LDB2: variants seen among roughly 807,000 people sequenced by gnomAD.
LDB2 encodes LIM domain binding 2, also known as LIM domain-binding protein 2.
In LDB2, 12 loss-of-function variants were observed where a neutral mutation model predicts 44.3. That is an observed-to-expected ratio of 0.27 (90% CI 0.17 to 0.44). The LOEUF (loss-of-function observed/expected upper bound fraction) is 0.44. Ranked by LOEUF, LDB2 falls within the 20% of genes least tolerant of loss-of-function variation. LDB2 has a pLI of 1.00. For synonymous variants in LDB2, 164 were observed against 174.8 expected (o/e 0.94, Z 0.49); for missense variants, 344 against 473.5 (o/e 0.73, Z 2.54).
At chr4:16,693,422 C>T (rs544844421) in intron 2 of LDB2, among the ~76,000 whole-genome samples, 7 of 146,344 alleles carry the variant, frequency 4.8e-5, no homozygotes, top group South Asian at 2.1e-4. Context: ...CTGACGCCAT[C>T]GCGGCTCACC....
intron 2 of LDB2, among the ~76,000 whole-genome samples, chr4:16,663,629 C>T (rs1342377544): frequency 2.6e-5 from 4 of 152,174 alleles, no homozygotes; most frequent in Non-Finnish European, 4.4e-5. Context: ...AGCCTGTTTA[C>T]GTTTGTGTCC....
chr4:16,509,892 G>T (rs559548670), intron 6 of LDB2, among the ~76,000 whole-genome samples: 1 of 152,236 alleles, frequency 6.6e-6, no homozygotes, highest in South Asian at 2.1e-4. Flanking sequence ...GAGGCAAGTG[G>T]ATTGTTTGAG....
chr4:16,593,017 A>G (rs1256030484), intron 3 of LDB2, among the ~76,000 whole-genome samples: 2 of 152,168 alleles, frequency 1.3e-5, no homozygotes, highest in Non-Finnish European at 2.9e-5. Context: ...TTAAAATTCT[A>G]ATTACACATT....
intron 2 of LDB2, among the ~76,000 whole-genome samples, chr4:16,626,392 A>G (rs138738286): frequency 6.6e-6 from 1 of 152,364 alleles, no homozygotes; most frequent in South Asian, 2.1e-4. Context: ...AGAATGTCAC[A>G]TGTCAAAAAA....
chr4:16,864,723 G>C (rs899879468), intron 1 of LDB2, among the ~76,000 whole-genome samples: 1 of 151,444 alleles, frequency 6.6e-6, no homozygotes, highest in Non-Finnish European at 1.5e-5. Flanking sequence ...TCAGGAGTTC[G>C]AGACCAGCCT....
chr4:16,671,709 T>C lies in LDB2; in HGVS notation c.236-75834A>G, dbSNP rs75611054. Among the ~76,000 whole-genome samples the C allele has an allele frequency of 2.6e-4, 39 of 152,058 alleles. No homozygotes were observed. The East Asian group carries it at 7.4e-3, about 29-fold the overall frequency. Reference sequence around the variant, plus strand: ...ATGGAGTCCCTTACTCTGGGCTGGGTCCATGCCATTGCAAAGTCTGCAATA... The same window carrying C: ...ATGGAGTCCCTTACTCTGGGCTGGGCCCATGCCATTGCAAAGTCTGCAATA... On this transcript the variant is annotated intron_variant, in intron 2 of 7. Coordinates refer to ENST00000304523, the MANE Select transcript of LDB2 (RefSeq NM_001290.5).
At chr4:16,560,532 C>T (rs934402919) in intron 5 of LDB2, among the ~76,000 whole-genome samples, 2 of 152,208 alleles carry the variant, frequency 1.3e-5, no homozygotes, top group African/African-American at 2.4e-5. Context: ...AGTTGAATCT[C>T]TGAATAGACC....
At chr4:16,503,215 T>C in intron 7 of LDB2, 1 of 1,378,446 alleles carries the variant, frequency 7.3e-7, no homozygotes, top group Non-Finnish European at 9.9e-7. Context: ...TTGAGAGGGC[T>C]GTGGAACCTT....
chr4:16,554,392 C>T (rs182942786), intron 5 of LDB2, among the ~76,000 whole-genome samples: 2 of 152,264 alleles, frequency 1.3e-5, no homozygotes, highest in Admixed American at 1.3e-4. Context: ...TTCCCATTGC[C>T]ACTGGGTGCC....
intron 1 of LDB2, among the ~76,000 whole-genome samples, chr4:16,809,587 G>A (rs1306860853): frequency 1.3e-5 from 2 of 152,156 alleles, no homozygotes; most frequent in Non-Finnish European, 2.9e-5. Flanking sequence ...TAGGATTTAC[G>A]AAGATTCTTT....
chr4:16,518,751 T>C (rs954137881), intron 5 of LDB2, among the ~76,000 whole-genome samples: 1 of 152,244 alleles, frequency 6.6e-6, no homozygotes, highest in Non-Finnish European at 1.5e-5. Flanking sequence ...GTCTCCATAA[T>C]AGGATAAAGA....
At chr4:16,758,530 G>A (rs1767155600) in intron 2 of LDB2, among the ~76,000 whole-genome samples, 1 of 152,138 alleles carries the variant, frequency 6.6e-6, no homozygotes, top group African/African-American at 2.4e-5. Flanking sequence ...CTGACAAGTT[G>A]GCTGAACCTA....
chr4:16,854,435 A>C (rs1788915480), intron 1 of LDB2, among the ~76,000 whole-genome samples: 2 of 151,204 alleles, frequency 1.3e-5, no homozygotes, highest in Admixed American at 1.3e-4. Flanking sequence ...CTCAATCCAA[A>C]ATAACAGTGG....
intron 1 of LDB2, among the ~76,000 whole-genome samples, chr4:16,814,216 T>C (rs1271058721): frequency 1.3e-5 from 2 of 152,118 alleles, no homozygotes; most frequent in African/African-American, 2.4e-5. Flanking sequence ...TTCTGGAAAA[T>C]TACCTTTGCT....
intron 1 of LDB2, among the ~76,000 whole-genome samples, chr4:16,782,514 C>G (rs1054891166): frequency 5.9e-5 from 9 of 152,044 alleles, no homozygotes; most frequent in African/African-American, 1.7e-4. Flanking sequence ...CCACACCCAG[C>G]TAAGTTTTTG....
Position 16,514,601 on chromosome 4 carries a change from C to T in LDB2, c.616-2497G>A, listed in dbSNP as rs578003662. Reference sequence around the variant, plus strand: ...TACTGACCTAAGCTTGCTTAAACCACTCACCCCATTTAAGGGCCAGCTGCA... The same window carrying T: ...TACTGACCTAAGCTTGCTTAAACCATTCACCCCATTTAAGGGCCAGCTGCA... On this transcript the variant is annotated intron_variant, in intron 5 of 7. Coordinates refer to ENST00000304523, the MANE Select transcript of LDB2 (RefSeq NM_001290.5). Among the ~76,000 whole-genome samples the T allele has an allele frequency of 1.4e-3, 215 of 152,316 alleles. 9 individuals are homozygous for T. In the South Asian group the frequency reaches 0.044, roughly 31 times the overall value.
rs189904523 is a variant in LDB2, at chr4:16,707,956, G to A, written c.235+51202C>T. Among the ~76,000 whole-genome samples, 553 of 152,320 alleles carry A rather than the reference G, an allele frequency of 3.6e-3. 4 individuals are homozygous for A. The highest frequency in any genetic ancestry group is 6.8e-3 in the Middle Eastern group (2 of 294). On this transcript the variant is annotated intron_variant, in intron 2 of 7. Coordinates refer to ENST00000304523, the MANE Select transcript of LDB2 (RefSeq NM_001290.5). ...AACTTAGATAATACAGAATGGGAAA[G>A]ACTTGCGTGTGTGCCTCAAATGAGC...
At chr4:16,856,128 TA>T (rs1438915421) in intron 1 of LDB2, among the ~76,000 whole-genome samples, 2 of 152,146 alleles carry the variant, frequency 1.3e-5, no homozygotes, top group Non-Finnish European at 2.9e-5. Context: ...ATGCAGAAAC[TA>T]ATATGAAAAT....
intron 7 of LDB2, chr4:16,505,826 C>G: frequency 2.0e-6 from 3 of 1,535,916 alleles, no homozygotes; most frequent in Non-Finnish European, 2.6e-6. Flanking sequence ...ATCCCCCGTG[C>G]AAAGACCACC....
Sources: allele counts gnomAD v4.1 joint callset (sites outside exome capture counted in the v4.1 genomes callset), GRCh38; gene constraint gnomAD v4.1.1; transcripts MANE v1.5; gene names NCBI Gene and HGNC (gene_info 2026-07-23, HGNC 2026-07-21).